CLASP1: variants seen among roughly 807,000 people sequenced by gnomAD.
CLASP1 encodes cytoplasmic linker associated protein 1.
CLASP1 carries 38 observed loss-of-function variants against 192.3 expected under a neutral mutation model. That is an observed-to-expected ratio of 0.20 (90% CI 0.15 to 0.26). CLASP1 has a LOEUF of 0.26. Among genes scored for constraint, CLASP1 ranks in the 10% least tolerant of loss-of-function variants. The pLI, the probability that CLASP1 is intolerant of heterozygous loss-of-function variation, is 1.00. For missense variants in CLASP1, 1,433 were observed against 1,932.5 expected, an observed-to-expected ratio of 0.74 and a Z score of 4.85; for synonymous variants, 691 against 712.8, an observed-to-expected ratio of 0.97 and a Z score of 0.49.
At chr2:121,491,498 C>G (rs183407744) in intron 8 of CLASP1, among the ~76,000 whole-genome samples, 1 of 152,314 alleles carries the variant, frequency 6.6e-6, no homozygotes, top group East Asian at 1.9e-4. Flanking sequence ...TCCATAATTA[C>G]TGGGTCTTTC....
At chr2:121,595,187 C>T (rs181923567) in intron 2 of CLASP1, among the ~76,000 whole-genome samples, 2 of 152,296 alleles carry the variant, frequency 1.3e-5, no homozygotes, top group African/African-American at 4.8e-5. Flanking sequence ...GCAGTGGGTG[C>T]TACAGTCAGA....
At chr2:121,520,523 C>T (rs1436972810) in intron 6 of CLASP1, among the ~76,000 whole-genome samples, 2 of 152,248 alleles carry the variant, frequency 1.3e-5, no homozygotes, top group Admixed American at 1.3e-4. Context: ...CTCCCTCCTC[C>T]TGAGCTCTGT....
intron 1 of CLASP1, among the ~76,000 whole-genome samples, chr2:121,621,600 T>C (rs931914330): frequency 5.9e-5 from 9 of 152,248 alleles, no homozygotes; most frequent in African/African-American, 2.2e-4. Flanking sequence ...CCTTGCACTT[T>C]GTTGAAAATC....
intron 7 of CLASP1, among the ~76,000 whole-genome samples, chr2:121,511,588 C>CAA (rs1358232629): frequency 1.0e-4 from 10 of 95,880 alleles, no homozygotes; most frequent in East Asian, 2.9e-4. Flanking sequence ...AACTCCATCT[C>CAA]AAAAAAAAAA....
At chr2:121,430,363 A>G (rs1432505559) in intron 19 of CLASP1, among the ~76,000 whole-genome samples, 186 bp from the exon 20 acceptor site, 8 of 152,288 alleles carry the variant, frequency 5.3e-5, no homozygotes, top group East Asian at 1.9e-4. Context: ...GCACATGCGC[A>G]TATGATCCAC....
At chr2:121,361,372 A>G (rs1415465806) in intron 37 of CLASP1, among the ~76,000 whole-genome samples, 2 of 152,216 alleles carry the variant, frequency 1.3e-5, no homozygotes, top group African/African-American at 4.8e-5. Context: ...TCATTTTTTG[A>G]TCACGTATTC....
At chr2:121,439,063 G>T (rs532747418) in intron 19 of CLASP1, among the ~76,000 whole-genome samples, 212 of 150,482 alleles carry the variant, frequency 1.4e-3, no homozygotes, top group Middle Eastern at 3.4e-3. Flanking sequence ...TCTTGGGAGA[G>T]TGTATGTGTC....
intron 30 of CLASP1, among the ~76,000 whole-genome samples, chr2:121,390,453 TTAAAA>T (rs1239530638): frequency 2.5e-4 from 38 of 152,322 alleles, no homozygotes; most frequent in African/African-American, 8.2e-4. Context: ...ACATGGCAAC[TTAAAA>T]TGAAATGATT....
chr2:121,605,296 T>C (rs10188646), intron 2 of CLASP1, among the ~76,000 whole-genome samples: 35,043 of 152,076 alleles, frequency 0.23, 6,046 homozygotes, highest in African/African-American at 0.48. Flanking sequence ...GCTCCACACC[T>C]TATTACCAAT....
chr2:121,529,033 C>A (rs1361878005), intron 3 of CLASP1, among the ~76,000 whole-genome samples: 1 of 152,152 alleles, frequency 6.6e-6, no homozygotes, highest in South Asian at 2.1e-4. Flanking sequence ...GTTCCTCCAG[C>A]CAGTTCCCAA....
chr2:121,607,765 A>T (rs1298850478), intron 1 of CLASP1, among the ~76,000 whole-genome samples: 1 of 152,222 alleles, frequency 6.6e-6, no homozygotes, highest in Non-Finnish European at 1.5e-5. Context: ...AAGTAAAATT[A>T]AAATTCTCAG....
At chr2:121,600,627 AT>A (rs2063684197) in intron 2 of CLASP1, among the ~76,000 whole-genome samples, 1 of 152,258 alleles carries the variant, frequency 6.6e-6, no homozygotes, top group African/African-American at 2.4e-5. Context: ...AGAACTCTGT[AT>A]ATTTGCATTA....
intron 1 of CLASP1, among the ~76,000 whole-genome samples, chr2:121,632,657 G>A (rs781270869): frequency 5.3e-5 from 8 of 152,168 alleles, no homozygotes; most frequent in Non-Finnish European, 1.0e-4. Flanking sequence ...AACACTTTGA[G>A]AGGCCGAGGT....
exon 16 of CLASP1, chr2:121,450,974 C>G: frequency 6.2e-7 from 1 of 1,600,660 alleles, no homozygotes; most frequent in Non-Finnish European, 8.6e-7. Flanking sequence ...ATTGTTTCAG[C>G]TAATACTGAT....
intron 5 of CLASP1, among the ~76,000 whole-genome samples, chr2:121,526,933 T>C (rs2094588519): frequency 6.6e-6 from 1 of 152,036 alleles, no homozygotes; most frequent in African/African-American, 2.4e-5. Context: ...AAAACCACAA[T>C]GAGGTATTAC....
intron 8 of CLASP1, among the ~76,000 whole-genome samples, chr2:121,499,130 C>A (rs1325591491): frequency 6.6e-6 from 1 of 152,166 alleles, no homozygotes; most frequent in African/African-American, 2.4e-5. Flanking sequence ...CATCAATGTT[C>A]AAAGAATCAT....
In CLASP1 at chr2:121,568,144, T is replaced by G. The variant is rs1039916648; in HGVS notation, c.195+37557A>C. 5.9e-5 allele frequency among the ~76,000 whole-genome samples: 9 copies of G among 152,318 alleles called. No homozygotes were observed. In the East Asian group the frequency reaches 1.3e-3, roughly 23 times the overall value. ...TCGTCTAGAGGGCTTCAGACAGATGTGTACTGTGCTCTCAGACTCAGGGCT... is the reference window on the plus strand; with the variant it reads ...TCGTCTAGAGGGCTTCAGACAGATGGGTACTGTGCTCTCAGACTCAGGGCT... On this transcript the variant is annotated intron_variant, in intron 2 of 39. Transcript: ENST00000263710.
At chr2:121,437,100 C>A (rs993986990) in intron 19 of CLASP1, among the ~76,000 whole-genome samples, 4 of 152,038 alleles carry the variant, frequency 2.6e-5, no homozygotes, top group African/African-American at 9.7e-5. Flanking sequence ...GTATCTGGGG[C>A]TACAGGTGTG....
In CLASP1 at chr2:121,447,186, C is replaced by G. The variant is rs1339810356; in HGVS notation, c.1912+151G>C. On this transcript the variant is annotated intron_variant, in intron 19 of 39. Transcript: ENST00000263710. ...CACTCAACAAGGGTGGCTGGCTGAT[C>G]AGCAGCAAGTGCACGAAGCTACTTA... 4.2e-6 allele frequency: 3 copies of G among 711,120 alleles called. No individual in the cohort carries two copies. In the African/African-American group the frequency reaches 5.4e-5, roughly 13 times the overall value. The allele number at this position is 711,120 out of a possible 1,614,324, so 44.1% of individuals were successfully genotyped here.
Sources: gnomAD v4.1 joint callset for allele counts (sites outside exome capture counted in the v4.1 genomes callset) on GRCh38, gnomAD v4.1.1 for gene constraint, MANE v1.5 for transcripts, NCBI Gene and HGNC (gene_info 2026-07-23, HGNC 2026-07-21) for gene names.